Variants in APC observed in about 807,000 individuals in gnomAD.
The protein encoded by APC is adenomatous polyposis coli protein.
Under a neutral mutation model 247.0 loss-of-function variants are expected in APC, and 72 were observed. The ratio of observed to expected loss-of-function variants is 0.29; its 90% CI spans 0.24 to 0.35. APC has a LOEUF of 0.35. APC is among the 10% of genes least tolerant of loss of function. APC has a pLI of 1.00. For missense variants in APC, 3,400 were observed against 3,360.7 expected, an observed-to-expected ratio of 1.01 and a Z score of -0.29; for synonymous variants, 1,254 against 1,162.5, an observed-to-expected ratio of 1.08 and a Z score of -1.60.
intron 14 of APC, 165 bp downstream of exon 14, chr5:112,829,137 G>A (rs1764049589): frequency 5.2e-6 from 3 of 576,316 alleles, no homozygotes; most frequent in Non-Finnish European, 9.5e-6. Flanking sequence ...TTAGCCATGA[G>A]ATTCCCTAAT....
intron 14 of APC, among the ~76,000 whole-genome samples, chr5:112,833,190 T>G (rs1346476208): frequency 6.6e-6 from 1 of 150,570 alleles, no homozygotes; most frequent in South Asian, 2.1e-4. Context: ...ATTTTTTTTT[T>G]TTTTTTTTTT....
chr5:112,841,571 C>T lies in APC; in HGVS notation c.5977C>T (p.Pro1993Ser), dbSNP rs1554087132. The T allele has an allele frequency of 6.2e-7, 1 of 1,613,940 alleles. No individual in the cohort carries two copies. The highest frequency in any genetic ancestry group is 1.3e-5 in the African/African-American group (1 of 75,018). ...TGAACCTATCAAAGAGACTGAGCCC[C>T]CTGACTCACAGGGAGAACCAAGTAA... is the stretch of plus-strand genomic sequence containing the variant. ...ENEPIKETEPPDSQGEPSKPQ... is the reference protein window; with the variant it reads ...ENEPIKETEPSDSQGEPSKPQ... Residue 1993 changes from proline to serine, a missense_variant, in exon 16 of 16, where the codon CCT (proline) becomes TCT (serine). By Grantham distance (74) the Pro-to-Ser change is moderately conservative (BLOSUM62 -1). This residue lies in a region of APC where 1,788 missense variants were observed against 1,649.5 expected (regional missense o/e 1.08). Transcript: ENST00000257430. The surrounding 1 kb of genome is among the most constrained non-coding windows in gnomAD (Gnocchi z 4.6).
chr5:112,807,921 G>A (rs913215445), intron 8 of APC, among the ~76,000 whole-genome samples: 20 of 152,100 alleles, frequency 1.3e-4, no homozygotes, highest in African/African-American at 4.8e-4. Context: ...TCCAGAGGCC[G>A]GGGTGAGCGG....
intron 8 of APC, among the ~76,000 whole-genome samples, chr5:112,809,663 A>T (rs1477827860): frequency 6.6e-6 from 1 of 151,558 alleles, no homozygotes; most frequent in African/African-American, 2.4e-5. Context: ...CTTCTTTCCT[A>T]CTATATTATA....
At chr5:112,750,048 C>T (rs1754151403) in intron 1 of APC, among the ~76,000 whole-genome samples, 1 of 149,180 alleles carries the variant, frequency 6.7e-6, no homozygotes, top group African/African-American at 2.5e-5. Flanking sequence ...CTGCATCCTC[C>T]ACCTCCCAGG....
At chr5:112,798,367 A>G (rs563412612) in intron 7 of APC, among the ~76,000 whole-genome samples, 5 of 152,362 alleles carry the variant, frequency 3.3e-5, no homozygotes, top group Admixed American at 2.0e-4. Flanking sequence ...CAAAATTTCT[A>G]AAGACAAAAA....
At chr5:112,717,623 C>G (rs371780712) in intron 1 of APC, among the ~76,000 whole-genome samples, 1 of 152,122 alleles carries the variant, frequency 6.6e-6, no homozygotes, top group Admixed American at 6.5e-5. Context: ...GACCTCAACT[C>G]TTTGTGTCTC....
At position 112,775,632 on chromosome 5, in the gene APC, A is replaced by G; in HGVS notation, c.426A>G (p.Ser142=). 2 of 1,593,616 alleles carry G rather than the reference A, an allele frequency of 1.3e-6. No individual in the cohort carries two copies. Among genetic ancestry groups the G allele is most frequent in the Non-Finnish European group, 8.6e-7 (1 of 1,167,016 alleles). Residue 142 remains serine (S), a synonymous_variant, in exon 5 of 16, where the codon TCA becomes TCG. Transcript: ENST00000257430. The part of the protein sequence containing the change: ...GYLEELEKER[S]LLLADLDKEE... ...TTTTTTAAAAAAAAAAAAATAGGTC[A>G]TTGCTTCTTGCTGATCTTGACAAAG... is the stretch of plus-strand genomic sequence containing the variant.
chr5:112,800,636 G>A (rs1760717761), intron 7 of APC, among the ~76,000 whole-genome samples: 1 of 151,912 alleles, frequency 6.6e-6, no homozygotes, highest in South Asian at 2.1e-4. Flanking sequence ...TTAATTTTGT[G>A]GTGGTATTTT....
At chr5:112,713,744 T>C (rs988426663) in intron 1 of APC, among the ~76,000 whole-genome samples, 4 of 152,202 alleles carry the variant, frequency 2.6e-5, no homozygotes, top group African/African-American at 9.6e-5. Context: ...CTCAGCTCAG[T>C]GCAACCTCTA....
chr5:112,776,345 T>C (rs1433574010), intron 5 of APC, among the ~76,000 whole-genome samples: 2 of 152,206 alleles, frequency 1.3e-5, no homozygotes, highest in African/African-American at 4.8e-5. Context: ...CGAACCTGCA[T>C]ATAATGAATG....
At chr5:112,757,050 A>G (rs559015829) in intron 2 of APC, among the ~76,000 whole-genome samples, 7 of 152,216 alleles carry the variant, frequency 4.6e-5, no homozygotes, top group African/African-American at 9.6e-5. Context: ...TGCTCAACCT[A>G]TATACATCAG....
intron 8 of APC, among the ~76,000 whole-genome samples, chr5:112,806,883 A>G (rs186632011): frequency 1.3e-5 from 2 of 152,312 alleles, no homozygotes; most frequent in East Asian, 3.9e-4. Context: ...ATGTAATCCC[A>G]GCACTTTGGG....
intron 1 of APC, among the ~76,000 whole-genome samples, chr5:112,722,022 G>A (rs1022300223): frequency 6.6e-6 from 1 of 152,046 alleles, no homozygotes; most frequent in Admixed American, 6.5e-5. Flanking sequence ...CCTATCTCCT[G>A]GCCTAAAGTA....
intron 1 of APC, among the ~76,000 whole-genome samples, chr5:112,710,509 T>A (rs1330999181): frequency 1.3e-5 from 2 of 152,152 alleles, no homozygotes; most frequent in East Asian, 3.8e-4. Flanking sequence ...CTAGAAACTG[T>A]CCATTTTCAC....
At chr5:112,813,315 G>A (rs967506871) in intron 8 of APC, among the ~76,000 whole-genome samples, 2 of 152,082 alleles carry the variant, frequency 1.3e-5, no homozygotes, top group Non-Finnish European at 2.9e-5. Flanking sequence ...ATAGTTTTGT[G>A]CACTAGTCAG....
chr5:112,810,784 ATT>A (rs1285362155), intron 8 of APC, among the ~76,000 whole-genome samples: 2 of 152,168 alleles, frequency 1.3e-5, no homozygotes, highest in Non-Finnish European at 1.5e-5. Flanking sequence ...TTTGCTAGTC[ATT>A]TCAAGGAAGC....
rs748868815 is a variant in APC at position 112,837,803 on chromosome 5, T to C, written c.2209T>C (p.Tyr737His). ...RNLMANRPAK[Y>H]KDANIMSPGS... The stretch of plus-strand genomic sequence containing the variant: ...TCTCATGGCAAATAGGCCTGCGAAG[T>C]ACAAGGATGCCAATATTATGTCTCC... Residue 737 changes from tyrosine to histidine, a missense_variant, in exon 16 of 16, where the codon TAC becomes CAC. By Grantham distance (83) the Tyr-to-His change is moderately conservative. Transcript: ENST00000257430. 8.1e-6 allele frequency: 13 copies of C among 1,613,886 alleles called. No homozygotes were observed. In the South Asian group the frequency reaches 1.4e-4, roughly 18 times the overall value.
rs866006 is a variant in APC at position 112,840,862 on chromosome 5, T to A, written c.5268T>A (p.Ser1756=). 7.3e-5 allele frequency: 117 copies of A among 1,613,742 alleles called. No individual in the cohort carries two copies. The highest frequency in any genetic ancestry group is 1.6e-4 in the East Asian group (7 of 44,896). Residue 1756 remains serine (S), a synonymous_variant, in exon 16 of 16, where the codon TCT becomes TCA. Coordinates refer to ENST00000257430, the MANE Select transcript of APC (RefSeq NM_000038.6). This position sits in a 1 kb window ranked among gnomAD's most constrained non-coding sequence, Gnocchi z 4.1. ...ACCAGGTCCAGCAAGCATCTGCGTC[T>A]TCTTCTGCACCCAACAAAAATCAGT... ...IMDQVQQASA[S]SSAPNKNQLD... is the part of the protein sequence containing the mutation.
Sources: gnomAD v4.1 joint callset for allele counts (sites outside exome capture counted in the v4.1 genomes callset) on GRCh38, gnomAD v4.1.1 for gene constraint, gnomAD v4.1.1 regional missense constraint, Gnocchi (gnomAD v3.1) non-coding constraint, MANE v1.5 for transcripts, NCBI Gene and HGNC (gene_info 2026-07-23, HGNC 2026-07-21) for gene names.